The following H3C6 variants were observed in gnomAD, a reference collection of about 807,000 sequenced individuals.
The protein encoded by H3C6 is H3 clustered histone 6.
A neutral mutation model predicts 8.0 loss-of-function variants in H3C6; 17 were observed. That is an observed-to-expected ratio of 2.13 (90% confidence interval 1.46 to 3.19). The LOEUF is 3.19. Ranked by LOEUF, H3C6 falls within the 30% of genes most tolerant of loss-of-function variation. The pLI is 0.00. For synonymous variants in H3C6, 169 were observed against 78.0 expected, an observed-to-expected ratio of 2.17 and a Z score of -6.15; for missense variants, 298 against 193.8, an observed-to-expected ratio of 1.54 and a Z score of -3.19.
downstream of H3C6, chr6:26,227,028 G>A (rs1010918917): frequency 6.6e-6 from 1 of 152,168 alleles, no homozygotes; most frequent in Admixed American, 6.6e-5. Flanking sequence ...AGCTCTGCAG[G>A]CCAAGGTAGC....
Position 26,225,213 on chromosome 6 carries a change from A to G in H3C6, c.59A>G (p.Gln20Arg). The G allele has an allele frequency of 6.2e-7, 1 of 1,607,220 alleles. No individual in the cohort carries two copies. Among genetic ancestry groups the G allele is most frequent in the East Asian group, 2.2e-5 (1 of 44,846 alleles). ...KSTGGKAPRK[Q>R]LATKAARKSA... ...ACAGGCGGTAAAGCACCGCGCAAAC[A>G]GCTGGCCACTAAGGCAGCTCGCAAG... The change falls in exon 1 of 1, where the codon CAG (glutamine) becomes CGG (arginine). Residue 20 changes from glutamine to arginine, a missense_variant. Transcript: ENST00000614911.
At position 26,225,161 on chromosome 6, in the gene H3C6, C is replaced by A; in HGVS notation, c.7C>A (p.Arg3Ser). 6.4e-7 allele frequency: 1 copy of A among 1,555,366 alleles called. No homozygotes were observed. Among genetic ancestry groups the A allele is most frequent in the East Asian group, 2.2e-5 (1 of 44,520 alleles). The change falls in exon 1 of 1, where the codon CGT (arginine) becomes AGT (serine). Residue 3 changes from arginine (R) to serine (S), a missense_variant. Coordinates refer to ENST00000614911, the MANE Select transcript of H3C6 (RefSeq NM_003532.3). ...TTTACTTTGCAGATGAACTATGGCG[C>A]GTACTAAGCAGACGGCTCGTAAATC... is the stretch of plus-strand genomic sequence containing the variant. The part of the protein sequence containing the change: MA[R>S]TKQTARKSTG...
upstream of H3C6, among the ~76,000 whole-genome samples, chr6:26,224,748 G>A (rs1409594481): frequency 1.3e-5 from 2 of 152,148 alleles, no homozygotes; most frequent in African/African-American, 4.8e-5. Context: ...GAGTGAATAA[G>A]GAAGGGAAAA....
downstream of H3C6, chr6:26,225,736 A>T: frequency 1.2e-6 from 1 of 849,834 alleles, no homozygotes; most frequent in Non-Finnish European, 1.7e-6. Flanking sequence ...TTAAATTTCC[A>T]AATTTAAGCG....
rs768583818 is a variant in H3C6, at chr6:26,225,208, C to T, written c.54C>T (p.Arg18=). The T allele has an allele frequency of 2.5e-6, 4 of 1,603,932 alleles. No homozygotes were observed. The highest frequency in any genetic ancestry group is 2.7e-5 in the African/African-American group (2 of 74,494). Residue 18 remains arginine (R), a synonymous_variant, in exon 1 of 1, where the codon CGC becomes CGT. Coordinates refer to ENST00000614911, the MANE Select transcript of H3C6 (RefSeq NM_003532.3). ...AATCCACAGGCGGTAAAGCACCGCG[C>T]AAACAGCTGGCCACTAAGGCAGCTC... is the stretch of plus-strand genomic sequence containing the variant. ...ARKSTGGKAP[R]KQLATKAARK...
In H3C6 at chr6:26,225,331, C is replaced by G. The variant is rs1386723215; in HGVS notation, c.177C>G (p.Thr59=). 1.2e-6 allele frequency: 2 copies of G among 1,614,062 alleles called. No individual in the cohort carries two copies. Among genetic ancestry groups the G allele is most frequent in the African/African-American group, 2.7e-5 (2 of 74,940 alleles). The part of the protein sequence containing the change: ...LREIRRYQKS[T]ELLIRKLPFQ... ...AGATCCGTCGCTACCAGAAGTCTAC[C>G]GAGCTTCTAATCCGGAAGCTGCCGT... is the stretch of plus-strand genomic sequence containing the variant. Residue 59 remains threonine, a synonymous_variant, in exon 1 of 1, where the codon ACC becomes ACG. Transcript: ENST00000614911.
chr6:26,225,818 C>T (rs751124900), downstream of H3C6: 9 of 419,850 alleles, frequency 2.1e-5, no homozygotes, highest in South Asian at 6.6e-5. Flanking sequence ...CTTTGTTTTG[C>T]TGTTCAGGCC....
In H3C6 at chr6:26,225,603, C is replaced by G. The variant is rs546137162; in HGVS notation, c.*38C>G. 3 of 1,581,924 alleles carry G rather than the reference C, an allele frequency of 1.9e-6. No homozygotes were observed. The highest frequency in any genetic ancestry group is 2.6e-6 in the Non-Finnish European group (3 of 1,164,040). ...ACAAACCTTAAATCCAAAGGCTCTT[C>G]TCAGAGCCAACCACTTTGTCCGTGA... On this transcript the variant is annotated 3_prime_UTR_variant, in exon 1 of 1. Coordinates refer to ENST00000614911, the MANE Select transcript of H3C6 (RefSeq NM_003532.3).
Position 26,225,478 on chromosome 6 carries a change from C to G in H3C6, c.324C>G (p.Thr108=), listed in dbSNP as rs891907692. The change falls in exon 1 of 1, where the codon ACC becomes ACG. Residue 108 remains threonine, a synonymous_variant. Transcript: ENST00000614911. Reference sequence around the variant, plus strand: ...ACTTGGTGGGGCTTTTCGAGGACACCAACCTGTGCGCTATTCATGCCAAAC... The same window carrying G: ...ACTTGGTGGGGCTTTTCGAGGACACGAACCTGTGCGCTATTCATGCCAAAC... The part of the protein sequence containing the change: ...EAYLVGLFED[T]NLCAIHAKRV... 6.2e-7 allele frequency: 1 copy of G among 1,614,240 alleles called. No individual in the cohort carries two copies. The highest frequency in any genetic ancestry group is 1.1e-5 in the South Asian group (1 of 91,082).
downstream of H3C6, chr6:26,226,887 A>T (rs1313443843): frequency 6.6e-6 from 1 of 152,206 alleles, no homozygotes; most frequent in East Asian, 1.9e-4. Flanking sequence ...CTCAGTTTTG[A>T]TATGGGGTGC....
downstream of H3C6, chr6:26,226,157 G>T (rs1759553528): frequency 6.6e-6 from 1 of 152,494 alleles, no homozygotes; most frequent in South Asian, 2.1e-4. Context: ...CTAAGGCTAA[G>T]GTTATTAGCT....
At chr6:26,227,411 T>A (rs1759597270), downstream of H3C6, 1 of 152,182 alleles carries the variant, frequency 6.6e-6, no homozygotes, top group African/African-American at 2.4e-5. Flanking sequence ...GTCATTTGCC[T>A]AAAACAAAGC....
chr6:26,225,133 T>C, upstream of H3C6: 4 of 1,530,174 alleles, frequency 2.6e-6, no homozygotes, highest in Non-Finnish European at 2.6e-6. Context: ...TCTTCCTAAC[T>C]CATTTACTTT....
chr6:26,225,665 A>G (rs1759529575), downstream of H3C6: 4 of 1,312,468 alleles, frequency 3.0e-6, no homozygotes, highest in Admixed American at 4.6e-5. Flanking sequence ...TTAGACCACT[A>G]AACTGCACTG....
Position 26,225,529 on chromosome 6 carries a change from C to G in H3C6, c.375C>G (p.Ile125Met), listed in dbSNP as rs1305009188. 3 of 1,613,838 alleles carry G rather than the reference C, an allele frequency of 1.9e-6. No homozygotes were observed. The African/African-American group carries it at 4.0e-5, about 22-fold the overall frequency. Reference sequence around the variant, plus strand: ...GCGTGACCATCATGCCTAAAGACATCCAGCTTGCCCGCCGCATTCGTGGGG... The same window carrying G: ...GCGTGACCATCATGCCTAAAGACATGCAGCTTGCCCGCCGCATTCGTGGGG... ...AKRVTIMPKD[I>M]QLARRIRGER... The change falls in exon 1 of 1, where the codon ATC (isoleucine) becomes ATG (methionine). Residue 125 changes from isoleucine (I) to methionine (M), a missense_variant. By Grantham distance (10) the Ile-to-Met change is conservative. Transcript: ENST00000614911.
chr6:26,226,191 AAC>A (rs1759554257), downstream of H3C6: 2 of 152,374 alleles, frequency 1.3e-5, no homozygotes, highest in South Asian at 2.1e-4. Flanking sequence ...CCGTGGCACT[AAC>A]ACACAGCTCT....
At chr6:26,224,635 G>A (rs1357570469), upstream of H3C6, among the ~76,000 whole-genome samples, 2 of 152,134 alleles carry the variant, frequency 1.3e-5, no homozygotes, top group Non-Finnish European at 2.9e-5. Context: ...AGTTCCTTAT[G>A]CTTAACAGTG....
rs1324349985 is a variant in H3C6 at position 26,225,271 on chromosome 6, C to A, written c.117C>A (p.Pro39=). The change falls in exon 1 of 1, where the codon CCC becomes CCA. Residue 39 remains proline, a synonymous_variant. Transcript: ENST00000614911. The part of the protein sequence containing the change: ...SAPATGGVKK[P]HRYRPGTVAL... Reference sequence around the variant, plus strand: ...CGGCCACGGGCGGCGTGAAGAAGCCCCATCGCTACCGCCCTGGCACCGTGG... The same window carrying A: ...CGGCCACGGGCGGCGTGAAGAAGCCACATCGCTACCGCCCTGGCACCGTGG... 5 of 1,614,124 alleles carry A rather than the reference C, an allele frequency of 3.1e-6. No homozygotes were observed. In the South Asian group the frequency reaches 4.4e-5, roughly 14 times the overall value.
At chr6:26,224,835 T>G (rs1208620149), upstream of H3C6, 6 of 182,116 alleles carry the variant, frequency 3.3e-5, no homozygotes, top group Non-Finnish European at 4.5e-5. Context: ...GCAAACACAT[T>G]CGATTTTTTA....
Sources: allele counts gnomAD v4.1 joint callset (sites outside exome capture counted in the v4.1 genomes callset), GRCh38; gene constraint gnomAD v4.1.1; transcripts MANE v1.5; gene names NCBI Gene and HGNC (gene_info 2026-07-23, HGNC 2026-07-21).